The following VPS37A variants were observed in gnomAD, a reference collection of about 807,000 sequenced individuals.
The protein encoded by VPS37A is vacuolar protein sorting-associated protein 37A.
In VPS37A, 30 loss-of-function variants were observed where a neutral mutation model predicts 49.8. The observed-to-expected ratio is 0.60, with a 90% CI of 0.45 to 0.82. VPS37A has a LOEUF of 0.82. VPS37A is among the 40% of genes least tolerant of loss of function. VPS37A has a pLI of 0.00. For missense variants in VPS37A, 593 were observed against 464.4 expected (o/e 1.28, Z -2.55); for synonymous variants, 195 against 160.6 (o/e 1.21, Z -1.62).
the VPS37A span, among the ~76,000 whole-genome samples, chr8:17,327,584 G>A: frequency 4.6e-5 from 7 of 152,064 alleles, no homozygotes; most frequent in Non-Finnish European, 7.4e-5. Context: ...TGCCCTTCCT[G>A]TATCTTTATT....
At chr8:17,254,425 A>G (rs1467434717) in intron 1 of VPS37A, among the ~76,000 whole-genome samples, 1 of 152,162 alleles carries the variant, frequency 6.6e-6, no homozygotes, top group Non-Finnish European at 1.5e-5. Flanking sequence ...AAAAGAGGCT[A>G]ATTCCCTAGC....
chr8:17,309,232 G>C, the VPS37A span: 1 of 1,233,416 alleles, frequency 8.1e-7, no homozygotes, highest in South Asian at 1.3e-5. Flanking sequence ...TTCAGAAACA[G>C]TGCTTTTATT....
At chr8:17,332,723 C>T in the VPS37A span, among the ~76,000 whole-genome samples, 1 of 152,184 alleles carries the variant, frequency 6.6e-6, no homozygotes, top group Admixed American at 6.5e-5. Flanking sequence ...GTCAGAGACC[C>T]TCTGTGCATA....
intron 11 of VPS37A, among the ~76,000 whole-genome samples, chr8:17,289,363 A>G (rs1815924910): frequency 6.6e-6 from 1 of 152,164 alleles, no homozygotes; most frequent in African/African-American, 2.4e-5. Context: ...TCTTTAATCC[A>G]TCTTGAGTTA....
downstream of VPS37A, chr8:17,305,954 A>G (rs767794777): frequency 7.4e-6 from 12 of 1,611,540 alleles, no homozygotes; most frequent in South Asian, 6.6e-5. Context: ...CTAGATTGCC[A>G]TATCTATAAA....
chr8:17,304,377 A>G, downstream of VPS37A: 3 of 1,610,984 alleles, frequency 1.9e-6, no homozygotes, highest in Non-Finnish European at 2.5e-6. Context: ...GGATTTACAT[A>G]CTTGTACATG....
chr8:17,284,404 A>G, intron 9 of VPS37A, 69 bp from the exon 10 acceptor site: 1 of 1,497,070 alleles, frequency 6.7e-7, no homozygotes, highest in African/African-American at 1.4e-5. Flanking sequence ...CCACTACCTT[A>G]CTTCCTTTCC....
At chr8:17,288,315 G>C (rs973053052) in intron 11 of VPS37A, among the ~76,000 whole-genome samples, 3 of 152,156 alleles carry the variant, frequency 2.0e-5, no homozygotes, top group Non-Finnish European at 2.9e-5. Context: ...ATGGTTTGCT[G>C]CACCCATCAA....
At chr8:17,282,155 C>G (rs950669753) in intron 9 of VPS37A, among the ~76,000 whole-genome samples, 3 of 151,888 alleles carry the variant, frequency 2.0e-5, no homozygotes, top group Non-Finnish European at 4.4e-5. Flanking sequence ...TGTAAATCCT[C>G]ATTATTTAAA....
the VPS37A span, among the ~76,000 whole-genome samples, chr8:17,324,007 T>C: frequency 6.6e-6 from 1 of 152,192 alleles, no homozygotes; most frequent in African/African-American, 2.4e-5. Context: ...TACTATTCTC[T>C]CATTAAATAA....
At chr8:17,247,403 A>AAAG in intron 1 of VPS37A, 34 bp downstream of exon 1, 1 of 139,964 alleles carries the variant, frequency 7.1e-6, no homozygotes, top group South Asian at 6.2e-5. Flanking sequence ...CGGAGGAAAA[A>AAAG]GTAGGGTGGG....
chr8:17,290,510 G>A (rs1214085106), intron 11 of VPS37A, among the ~76,000 whole-genome samples: 1 of 152,200 alleles, frequency 6.6e-6, no homozygotes, highest in Non-Finnish European at 1.5e-5. Context: ...AACCAGCCTT[G>A]CATCCCAGGG....
rs138313794 is a variant in VPS37A, at chr8:17,276,456, C to T, written c.702C>T (p.Leu234=). The T allele has an allele frequency of 9.3e-6, 15 of 1,610,902 alleles. No homozygotes were observed. The highest frequency in any genetic ancestry group is 1.3e-5 in the Non-Finnish European group (15 of 1,178,662). Residue 234 remains leucine (L), a synonymous_variant, in exon 6 of 12, where the codon CTC becomes CTT. Transcript: ENST00000324849. ...MPDVPDAFPE[L]SELSVSQLTD... is the part of the protein sequence containing the mutation. ...ATGTCCCTGATGCATTTCCAGAACTCTCAGAACTAAGGTAAACCTGGAAAG... is the reference window on the plus strand; with the variant it reads ...ATGTCCCTGATGCATTTCCAGAACTTTCAGAACTAAGGTAAACCTGGAAAG...
intron 11 of VPS37A, among the ~76,000 whole-genome samples, chr8:17,289,455 T>C (rs1284726646): frequency 6.6e-6 from 1 of 152,178 alleles, no homozygotes. Context: ...ATTTATTAAA[T>C]AGGGAATCCT....
At chr8:17,255,102 C>A (rs1563239240) in intron 1 of VPS37A, among the ~76,000 whole-genome samples, 1 of 152,176 alleles carries the variant, frequency 6.6e-6, no homozygotes, top group Admixed American at 6.5e-5. Flanking sequence ...CATTTCCTTG[C>A]AGGATGCTGG....
intron 9 of VPS37A, among the ~76,000 whole-genome samples, chr8:17,282,840 C>T (rs1240945195): frequency 1.4e-4 from 21 of 152,118 alleles, no homozygotes. Flanking sequence ...CTTCTGCGCT[C>T]TTACATATGG....
At chr8:17,315,899 G>C in the VPS37A span, among the ~76,000 whole-genome samples, 1 of 152,168 alleles carries the variant, frequency 6.6e-6, no homozygotes, top group African/African-American at 2.4e-5. Flanking sequence ...TACTGTCCCA[G>C]CTACTTGGGA....
chr8:17,332,477 CAAG>C, the VPS37A span, among the ~76,000 whole-genome samples: 1 of 152,070 alleles, frequency 6.6e-6, no homozygotes. Context: ...GAGCAGTGAC[CAAG>C]AAGGAGGGCA....
the VPS37A span, among the ~76,000 whole-genome samples, chr8:17,331,901 T>C: frequency 6.6e-6 from 1 of 152,294 alleles, no homozygotes; most frequent in South Asian, 2.1e-4. Context: ...ATTGGGCTTT[T>C]TGATCACTTT....
Sources: allele counts gnomAD v4.1 joint callset (sites outside exome capture counted in the v4.1 genomes callset), GRCh38; gene constraint gnomAD v4.1.1; transcripts MANE v1.5; gene names NCBI Gene and HGNC (gene_info 2026-07-23, HGNC 2026-07-21).